The following PCBP2 variants were observed in gnomAD, a reference collection of about 807,000 sequenced individuals.
PCBP2 encodes the protein poly(rC) binding protein 2, also known as poly(rC)-binding protein 2.
PCBP2 carries 4 observed loss-of-function variants against 50.1 expected under a neutral mutation model. That is an observed-to-expected ratio of 0.08 (90% CI 0.04 to 0.18). PCBP2 has a LOEUF of 0.18. PCBP2 is among the 10% of genes least tolerant of loss of function. PCBP2 has a pLI of 1.00. For synonymous variants in PCBP2, 179 were observed against 168.0 expected (o/e 1.07, Z -0.51); for missense variants, 161 against 474.3 (o/e 0.34, Z 6.14).
At chr12:53,468,966 G>T (rs1565868590) in intron 13 of PCBP2, 134 bp downstream of exon 13, 1 of 644,468 alleles carries the variant, frequency 1.6e-6, no homozygotes, top group Non-Finnish European at 2.6e-6. Context: ...GCAGTGGTGC[G>T]ATCTTGGCTC....
At chr12:53,467,734 G>A (rs946216169) in intron 11 of PCBP2, 71 bp from the exon 12 acceptor site, 2 of 1,209,590 alleles carry the variant, frequency 1.7e-6, no homozygotes, top group Admixed American at 4.1e-5. Context: ...GGGCTTTTCT[G>A]TATAAGGAAT....
chr12:53,460,995 A>G lies in PCBP2; in HGVS notation c.376-20A>G, dbSNP rs147061228. On this transcript the variant is annotated intron_variant, in intron 6 of 14. Transcript: ENST00000546463. ...CATGAACTGTTTTTCTCTGATTTTGAATTTCTTTTTACTCCAAAGAGTACA... is the reference window on the plus strand; with the variant it reads ...CATGAACTGTTTTTCTCTGATTTTGGATTTCTTTTTACTCCAAAGAGTACA... 2.6e-3 allele frequency: 4,164 copies of G among 1,611,656 alleles called. 4 individuals carry two copies. Among genetic ancestry groups the G allele is most frequent in the Non-Finnish European group, 3.3e-3 (3,912 of 1,179,274 alleles).
At chr12:53,477,221 T>C (rs1942647988) in intron 14 of PCBP2, among the ~76,000 whole-genome samples, 1 of 152,148 alleles carries the variant, frequency 6.6e-6, no homozygotes, top group South Asian at 2.1e-4. Context: ...TTTTATGAAC[T>C]TAAATTTTCA....
At chr12:53,466,054 A>T (rs1052977461) in intron 10 of PCBP2, 81 bp downstream of exon 10, 7 of 1,168,392 alleles carry the variant, frequency 6.0e-6, no homozygotes, top group Non-Finnish European at 7.8e-6. Flanking sequence ...CCAAGTAGCC[A>T]GAAGTGAGTT....
chr12:53,453,800 A>T (rs1369106946), intron 1 of PCBP2, among the ~76,000 whole-genome samples: 2 of 152,214 alleles, frequency 1.3e-5, no homozygotes, highest in East Asian at 3.8e-4. Context: ...TCTACACATA[A>T]CTAGTTACTC....
intron 11 of PCBP2, 160 bp from the exon 12 acceptor site, chr12:53,467,645 G>A (rs1004199545): frequency 2.9e-6 from 2 of 685,932 alleles, no homozygotes; most frequent in African/African-American, 1.8e-5. Flanking sequence ...CACAGGCTTG[G>A]GTAGAGACCA....
At chr12:53,468,971 T>C in intron 13 of PCBP2, 139 bp downstream of exon 13, 1 of 633,710 alleles carries the variant, frequency 1.6e-6, no homozygotes, top group Non-Finnish European at 2.7e-6. Flanking sequence ...GGTGCGATCT[T>C]GGCTCACCGC....
At chr12:53,465,125 A>C (rs1447918929) in intron 9 of PCBP2, 25 of 276,834 alleles carry the variant, frequency 9.0e-5, no homozygotes, top group African/African-American at 2.6e-4. Flanking sequence ...CCTTCCTTCC[A>C]CCCCCACCTG....
At chr12:53,462,367 A>ATTTAAT (rs1941509646) in intron 7 of PCBP2, 126 bp from the exon 8 acceptor site, 1 of 653,084 alleles carries the variant, frequency 1.5e-6, no homozygotes, top group African/African-American at 1.8e-5. Context: ...GCCAGAGACA[A>ATTTAAT]TTTGGTAGGT....
At chr12:53,467,491 A>G (rs1410837172) in intron 11 of PCBP2, 198 bp downstream of exon 11, 4 of 638,456 alleles carry the variant, frequency 6.3e-6, no homozygotes, top group African/African-American at 5.5e-5. Flanking sequence ...CAGTTATTCT[A>G]AAAGAAAAAA....
At position 53,468,917 on chromosome 12, in the gene PCBP2, CTTTTTTTT is replaced by C. The variant is rs5798266; in HGVS notation, c.882+97_882+104del. ...GTCGTTTCAGCAGTGTCCTGCTACC[CTTTTTTTT>C]TTTTTTTTTTTAAACAGCCCAGGCT... is the stretch of plus-strand genomic sequence containing the variant. On this transcript the variant is annotated intron_variant, in intron 13 of 14. Transcript: ENST00000546463. 3.5e-5 allele frequency: 20 copies of C among 574,584 alleles called. No homozygotes were observed. In the Admixed American group the frequency reaches 6.4e-4, roughly 18 times the overall value. 35.6% of individuals were successfully genotyped at this position (574,584 alleles called of 1,614,324 possible).
chr12:53,459,932 A>AT (rs149906146), intron 6 of PCBP2: 5 of 443,532 alleles, frequency 1.1e-5, no homozygotes, highest in African/African-American at 2.0e-5. Flanking sequence ...AAATTTTTGT[A>AT]TTTTTTTGTA....
At chr12:53,464,972 C>T in intron 9 of PCBP2, 120 bp downstream of exon 9, 13 of 1,305,426 alleles carry the variant, frequency 1.0e-5, no homozygotes, top group Admixed American at 7.5e-5. Context: ...CACCTGTCCA[C>T]GGGGACCTGG....
Position 53,471,849 on chromosome 12 carries a change from T to G in PCBP2, c.1052+42T>G, listed in dbSNP as rs1488413127. The G allele has an allele frequency of 7.7e-6, 12 of 1,549,950 alleles. No individual in the cohort carries two copies. The South Asian group carries it at 1.1e-4, about 15-fold the overall frequency. ...TTTTGTCTTATTTATGCCAACACAG[T>G]AATGTGTGTGTTGGGGAGAGCTGCA... On this transcript the variant is annotated intron_variant, in intron 14 of 14. Coordinates refer to ENST00000546463, the MANE Select transcript of PCBP2 (RefSeq NM_031989.5).
rs771521499 is a variant in PCBP2 at position 53,460,994 on chromosome 12, G to A, written c.376-21G>A. On this transcript the variant is annotated intron_variant, in intron 6 of 14. Transcript: ENST00000546463. Reference sequence around the variant, plus strand: ...GCATGAACTGTTTTTCTCTGATTTTGAATTTCTTTTTACTCCAAAGAGTAC... The same window carrying A: ...GCATGAACTGTTTTTCTCTGATTTTAAATTTCTTTTTACTCCAAAGAGTAC... The A allele has an allele frequency of 1.6e-5, 25 of 1,611,574 alleles. No individual in the cohort carries two copies. In the South Asian group the frequency reaches 2.6e-4, roughly 17 times the overall value.
intron 10 of PCBP2, 142 bp from the exon 11 acceptor site, chr12:53,467,079 C>T (rs548121412): frequency 6.4e-6 from 4 of 623,900 alleles, no homozygotes; most frequent in East Asian, 5.3e-5. Context: ...GATTGTGATG[C>T]AAGCCCCATC....
intron 13 of PCBP2, among the ~76,000 whole-genome samples, chr12:53,470,088 G>A (rs4622317): frequency 1 from 152,054 of 152,058 alleles, 76,025 homozygotes; most frequent in Non-Finnish European, 1. Context: ...ATCTTTAGAA[G>A]ATGTTGTGGT....
chr12:53,468,724 G>T, intron 12 of PCBP2, 53 bp from the exon 13 acceptor site: 4 of 1,299,302 alleles, frequency 3.1e-6, no homozygotes, highest in Non-Finnish European at 4.5e-6. Context: ...GTGCAAGTCA[G>T]TGAGGTTTTG....
At position 53,462,484 on chromosome 12, in the gene PCBP2, C is replaced by G. The variant is rs1427009568; in HGVS notation, c.505-9C>G. 6.2e-7 allele frequency: 1 copy of G among 1,606,058 alleles called. No individual in the cohort carries two copies. The highest frequency in any genetic ancestry group is 1.1e-5 in the South Asian group (1 of 90,340). On this transcript the variant is annotated splice_polypyrimidine_tract_variant and intron_variant, in intron 7 of 14. Transcript: ENST00000546463. ...CTTTTTGTTTTTTTCCCCTCTGACT[C>G]TCTCCCAGTCCCCCCCGAAGGGCGT... is the stretch of plus-strand genomic sequence containing the variant.
Sources: allele counts gnomAD v4.1 joint callset (sites outside exome capture counted in the v4.1 genomes callset), GRCh38; gene constraint gnomAD v4.1.1; transcripts MANE v1.5; gene names NCBI Gene and HGNC (gene_info 2026-07-23, HGNC 2026-07-21).